SLC25A21: variants seen among roughly 807,000 people sequenced by gnomAD.
The protein encoded by SLC25A21 is mitochondrial 2-oxodicarboxylate carrier.
Under a neutral mutation model 43.8 loss-of-function variants are expected in SLC25A21, and 47 were observed. The observed-to-expected ratio is 1.07, with a 90% CI of 0.85 to 1.37. The LOEUF (loss-of-function observed/expected upper bound fraction) is 1.37. Ranked by LOEUF, SLC25A21 falls within the 40% of genes most tolerant of loss-of-function variation. The pLI is 0.00. For missense variants in SLC25A21, 352 were observed against 350.2 expected, an observed-to-expected ratio of 1.00 and a Z score of -0.04; for synonymous variants, 131 against 121.3, an observed-to-expected ratio of 1.08 and a Z score of -0.52.
chr14:36,824,373 T>A (rs575436616), intron 2 of SLC25A21, among the ~76,000 whole-genome samples: 152 of 152,268 alleles, frequency 1.0e-3, no homozygotes, highest in African/African-American at 3.5e-3. Flanking sequence ...TAACCTCACA[T>A]GTTACCAAGA....
intron 1 of SLC25A21, among the ~76,000 whole-genome samples, chr14:36,922,539 C>CTTTTTTTTTTTTT (rs35613811): frequency 6.8e-6 from 1 of 147,704 alleles, no homozygotes; most frequent in Non-Finnish European, 1.5e-5. Context: ...TAAAGGCCCT[C>CTTTTTTTTTTTTT]TTTTTTTTTT....
intron 1 of SLC25A21, among the ~76,000 whole-genome samples, chr14:36,895,434 C>T (rs1454112550): frequency 1.3e-5 from 2 of 151,972 alleles, no homozygotes; most frequent in Non-Finnish European, 2.9e-5. Flanking sequence ...TCTCTCTTTT[C>T]TTCTTTATTA....
At chr14:37,130,151 T>C (rs1171900086) in intron 1 of SLC25A21, among the ~76,000 whole-genome samples, 1 of 151,302 alleles carries the variant, frequency 6.6e-6, no homozygotes. Context: ...TAGTCCCAGC[T>C]AACTTGAGAG....
At chr14:37,077,845 C>A (rs1453147367) in intron 1 of SLC25A21, among the ~76,000 whole-genome samples, 1 of 152,084 alleles carries the variant, frequency 6.6e-6, no homozygotes, top group Admixed American at 6.5e-5. Context: ...GCACTAAAAT[C>A]TGCTGGTAAC....
At chr14:36,955,231 A>C (rs982716960) in intron 1 of SLC25A21, among the ~76,000 whole-genome samples, 5 of 152,224 alleles carry the variant, frequency 3.3e-5, no homozygotes, top group Non-Finnish European at 7.3e-5. Context: ...TGGTATAATC[A>C]TCAAAAAAGA....
chr14:36,958,678 T>TGC (rs147541950), intron 1 of SLC25A21, among the ~76,000 whole-genome samples: 1,377 of 107,704 alleles, frequency 0.013, 12 homozygotes, highest in East Asian at 0.034. Flanking sequence ...TAAGCACACG[T>TGC]GCACACACAC....
At chr14:36,804,762 A>G (rs1310315957) in intron 3 of SLC25A21, among the ~76,000 whole-genome samples, 1 of 152,218 alleles carries the variant, frequency 6.6e-6, no homozygotes, top group Non-Finnish European at 1.5e-5. Context: ...ACGTCAAATC[A>G]TGCCTAAGTT....
At chr14:36,766,752 G>A (rs544324824) in intron 3 of SLC25A21, among the ~76,000 whole-genome samples, 5 of 152,138 alleles carry the variant, frequency 3.3e-5, no homozygotes, top group Admixed American at 6.5e-5. Context: ...CCTTAGAGTC[G>A]CCCCAACCGG....
chr14:36,871,828 C>T (rs1422991135), intron 2 of SLC25A21, among the ~76,000 whole-genome samples: 1 of 151,966 alleles, frequency 6.6e-6, no homozygotes, highest in African/African-American at 2.4e-5. Context: ...TATTTTTTTA[C>T]ACTTTATTGT....
intron 1 of SLC25A21, among the ~76,000 whole-genome samples, chr14:37,017,350 A>T (rs942602795): frequency 2.0e-5 from 3 of 152,066 alleles, no homozygotes; most frequent in Non-Finnish European, 4.4e-5. Flanking sequence ...TAGACAGAGA[A>T]ACAGTCTGTG....
intron 1 of SLC25A21, among the ~76,000 whole-genome samples, chr14:37,071,315 ATTTT>A (rs1425290823): frequency 1.2e-3 from 186 of 152,330 alleles, no homozygotes; most frequent in Non-Finnish European, 2.3e-3. Flanking sequence ...ATCAGATACT[ATTTT>A]TTAGAGACTG....
At chr14:36,695,557 T>A (rs1273762599) in intron 7 of SLC25A21, among the ~76,000 whole-genome samples, 1 of 152,238 alleles carries the variant, frequency 6.6e-6, no homozygotes, top group Non-Finnish European at 1.5e-5. Context: ...GGAATATGCT[T>A]CCATTTGTTT....
chr14:36,969,644 A>G (rs1028234681), intron 1 of SLC25A21, among the ~76,000 whole-genome samples: 1 of 148,866 alleles, frequency 6.7e-6, no homozygotes, highest in Non-Finnish European at 1.5e-5. Context: ...ATGCACCACC[A>G]CACCTGGCTA....
intron 1 of SLC25A21, among the ~76,000 whole-genome samples, chr14:36,995,263 T>C (rs1960347051): frequency 6.6e-6 from 1 of 152,246 alleles, no homozygotes; most frequent in African/African-American, 2.4e-5. Context: ...GGATTCTACA[T>C]ACATGGTTAT....
At chr14:36,725,433 C>T (rs556623034) in intron 6 of SLC25A21, 137 bp downstream of exon 6, 65 of 301,494 alleles carry the variant, frequency 2.2e-4, no homozygotes, top group African/African-American at 1.3e-3. Flanking sequence ...CGAGATTGCG[C>T]CATTGCACTC....
intron 1 of SLC25A21, among the ~76,000 whole-genome samples, chr14:37,006,725 T>C (rs1960612137): frequency 6.6e-6 from 1 of 152,142 alleles, no homozygotes; most frequent in Non-Finnish European, 1.5e-5. Context: ...TTACAAATAA[T>C]GCATATATTT....
intron 1 of SLC25A21, among the ~76,000 whole-genome samples, chr14:37,065,657 T>C (rs963982230): frequency 1.6e-4 from 24 of 152,338 alleles, no homozygotes; most frequent in African/African-American, 5.8e-4. Context: ...GGAATGTCCC[T>C]GAGAAGTTGT....
chr14:36,871,826 T>A (rs1478856325), intron 2 of SLC25A21, among the ~76,000 whole-genome samples: 1 of 152,184 alleles, frequency 6.6e-6, no homozygotes, highest in Non-Finnish European at 1.5e-5. Flanking sequence ...TTTATTTTTT[T>A]ACACTTTATT....
At chr14:37,050,353 T>C (rs1423389207) in intron 1 of SLC25A21, among the ~76,000 whole-genome samples, 1 of 152,238 alleles carries the variant, frequency 6.6e-6, no homozygotes, top group Non-Finnish European at 1.5e-5. Flanking sequence ...GGAAATCGGG[T>C]ATCTTTCATG....
Sources: allele counts gnomAD v4.1 joint callset (sites outside exome capture counted in the v4.1 genomes callset), GRCh38; gene constraint gnomAD v4.1.1; transcripts MANE v1.5; gene names NCBI Gene and HGNC (gene_info 2026-07-23, HGNC 2026-07-21).